Variants in PDIA6 observed in about 807,000 individuals in gnomAD.
PDIA6 encodes the protein protein disulfide isomerase family A member 6, also known as protein disulfide-isomerase A6.
A neutral mutation model predicts 58.4 loss-of-function variants in PDIA6; 29 were observed. The observed-to-expected ratio is 0.50, with a 90% CI of 0.37 to 0.68. PDIA6 has a LOEUF of 0.68. Among genes scored for constraint, PDIA6 ranks in the 30% least tolerant of loss-of-function variants. The probability of loss-of-function intolerance (pLI) is 0.00; values close to 1 mark genes in which losing one functional copy is unlikely to be tolerated. For synonymous variants in PDIA6, 192 were observed against 202.6 expected (o/e 0.95, Z 0.44); for missense variants, 480 against 551.0 (o/e 0.87, Z 1.29).
intron 1 of PDIA6, among the ~76,000 whole-genome samples, chr2:10,824,187 C>CAGG (rs1558463470): frequency 6.6e-6 from 1 of 151,584 alleles, no homozygotes; most frequent in Non-Finnish European, 1.5e-5. Flanking sequence ...GACTCTGCTT[C>CAGG]AGGAGGAGAC....
upstream of PDIA6, chr2:10,812,950 G>T: frequency 1.6e-6 from 1 of 641,696 alleles, no homozygotes; most frequent in Non-Finnish European, 2.1e-6. Context: ...TTTTTCACGG[G>T]GGCGGTGGCG....
intron 1 of PDIA6, among the ~76,000 whole-genome samples, chr2:10,828,442 C>G (rs1667616106): frequency 6.6e-6 from 1 of 152,224 alleles, no homozygotes; most frequent in Non-Finnish European, 1.5e-5. Flanking sequence ...CTGGAGCACC[C>G]TGTTCCAGTA....
At chr2:10,786,584 A>G (rs578064820) in intron 11 of PDIA6, among the ~76,000 whole-genome samples, 2 of 152,304 alleles carry the variant, frequency 1.3e-5, no homozygotes, top group South Asian at 4.1e-4. Context: ...TGGCAGCAAG[A>G]GCACTGCAGG....
chr2:10,804,530 T>C (rs1477444821), intron 1 of PDIA6, among the ~76,000 whole-genome samples: 1 of 117,316 alleles, frequency 8.5e-6, no homozygotes, highest in Non-Finnish European at 2.0e-5. Flanking sequence ...CATTGATCTA[T>C]ATCTCTGTTT....
rs755236077 is a variant in PDIA6, at chr2:10,785,004, G to A, written c.1184C>T (p.Thr395Met). 1.3e-5 allele frequency: 21 copies of A among 1,583,032 alleles called. No individual in the cohort carries two copies. Among genetic ancestry groups the A allele is most frequent in the Admixed American group, 8.9e-5 (5 of 56,380 alleles). Residue 395 changes from threonine (T) to methionine (M), a missense_variant, in exon 12 of 13, where the codon ACG becomes ATG. Thr to Met is a moderately conservative substitution (Grantham distance 81). Coordinates refer to ENST00000272227, the MANE Select transcript of PDIA6 (RefSeq NM_005742.4). ...LRELSFGRGS[T>M]APVGGGAFPT... is the part of the protein sequence containing the mutation. Reference sequence around the variant, plus strand: ...GAAAGCCCCGCCTCCTACAGGTGCCGTGGAGCCACGCCCAAAAGAGAGCTC... The same window carrying A: ...GAAAGCCCCGCCTCCTACAGGTGCCATGGAGCCACGCCCAAAAGAGAGCTC...
chr2:10,794,777 A>G (rs1666198541), intron 4 of PDIA6, among the ~76,000 whole-genome samples: 1 of 151,666 alleles, frequency 6.6e-6, no homozygotes, highest in South Asian at 2.1e-4. Flanking sequence ...AAATACAACA[A>G]TTAGCCGGGT....
chr2:10,802,937 A>G (rs538866435), intron 1 of PDIA6, among the ~76,000 whole-genome samples: 1 of 152,302 alleles, frequency 6.6e-6, no homozygotes, highest in African/African-American at 2.4e-5. Context: ...GTTCTTTACA[A>G]CCGCTCCATG....
intron 11 of PDIA6, among the ~76,000 whole-genome samples, chr2:10,785,326 AAAT>A (rs1665668145): frequency 6.6e-6 from 1 of 152,226 alleles, no homozygotes; most frequent in African/African-American, 2.4e-5. Flanking sequence ...TTAAATACAT[AAAT>A]AATTATCAAA....
rs2148566819 is a variant in PDIA6, at chr2:10,812,540, G to A, written c.19+138C>T. On this transcript the variant is annotated intron_variant, in intron 1 of 12. Transcript: ENST00000272227. ...GGGCAACCTAGCAGCTCCTCCGGAC[G>A]CCGAGGCCCGCGCCTCCCGCCCGCC... 1.1e-5 allele frequency: 9 copies of A among 853,398 alleles called. No homozygotes were observed. The South Asian group carries it at 2.2e-4, about 21-fold the overall frequency. The allele number at this position is 853,398 out of a possible 1,614,324, so 52.9% of individuals were successfully genotyped here.
exon 2 of PDIA6, chr2:10,819,341 A>G: frequency 1.3e-6 from 2 of 1,533,320 alleles, no homozygotes; most frequent in East Asian, 2.4e-5. Context: ...AGTGGGCAGG[A>G]GAAGTTGGTG....
At chr2:10,818,711 T>C (rs10204298) in intron 2 of PDIA6, among the ~76,000 whole-genome samples, 95,524 of 150,618 alleles carry the variant, frequency 0.63, 30,513 homozygotes, top group East Asian at 0.8. Flanking sequence ...TTAGTAGAGA[T>C]AGGGGTTTGC....
At chr2:10,835,086 T>C (rs1348699247), upstream of PDIA6, among the ~76,000 whole-genome samples, 1 of 152,032 alleles carries the variant, frequency 6.6e-6, no homozygotes, top group Non-Finnish European at 1.5e-5. Flanking sequence ...ACTAATTTCA[T>C]AGCGTGGGTT....
At chr2:10,817,830 A>C (rs1329221827) in intron 2 of PDIA6, among the ~76,000 whole-genome samples, 1 of 152,248 alleles carries the variant, frequency 6.6e-6, no homozygotes, top group Non-Finnish European at 1.5e-5. Flanking sequence ...CTGTTACTTT[A>C]GAGAGAAGAT....
upstream of PDIA6, among the ~76,000 whole-genome samples, chr2:10,816,908 C>G (rs13404780): frequency 0.12 from 18,688 of 152,160 alleles, 1,425 homozygotes; most frequent in African/African-American, 0.2. Context: ...GCTTGGCACA[C>G]TATAGGCTTT....
At chr2:10,833,404 G>A (rs1448290657), upstream of PDIA6, among the ~76,000 whole-genome samples, 1 of 152,212 alleles carries the variant, frequency 6.6e-6, no homozygotes, top group Non-Finnish European at 1.5e-5. Flanking sequence ...CTTTGCTGCT[G>A]TGTCTCTGAG....
intron 10 of PDIA6, among the ~76,000 whole-genome samples, chr2:10,787,863 G>C (rs774935747): frequency 4.6e-5 from 7 of 152,030 alleles, no homozygotes; most frequent in Non-Finnish European, 1.0e-4. Context: ...TCAGGAGTTC[G>C]AGACCAGCCT....
intron 1 of PDIA6, among the ~76,000 whole-genome samples, chr2:10,809,645 CAAAAAAAAAAA>C (rs56308831): frequency 4.9e-4 from 32 of 64,664 alleles, no homozygotes; most frequent in African/African-American, 1.3e-3. Flanking sequence ...GACCCGGTCT[CAAAAAAAAAAA>C]AAAAAAAAAA....
chr2:10,827,677 A>C (rs188918216), intron 1 of PDIA6, among the ~76,000 whole-genome samples: 130 of 152,088 alleles, frequency 8.5e-4, no homozygotes, highest in African/African-American at 2.7e-3. Flanking sequence ...TACAAAAATT[A>C]GTGGGATATG....
chr2:10,816,830 C>T (rs576785885), upstream of PDIA6, among the ~76,000 whole-genome samples: 19 of 152,190 alleles, frequency 1.2e-4, no homozygotes, highest in East Asian at 7.7e-4. Flanking sequence ...TTGTTGGGGG[C>T]GGAGGGTGGA....
Sources: allele counts gnomAD v4.1 joint callset (sites outside exome capture counted in the v4.1 genomes callset), GRCh38; gene constraint gnomAD v4.1.1; transcripts MANE v1.5; gene names NCBI Gene and HGNC (gene_info 2026-07-23, HGNC 2026-07-21).